The following HMGB1 variants were observed in gnomAD, a reference collection of about 807,000 sequenced individuals.
HMGB1 encodes the protein high mobility group box 1, also known as high mobility group protein B1.
For synonymous variants in HMGB1, 81 were observed against 84.0 expected (o/e 0.96, Z 0.19); for missense variants, 79 against 253.5 (o/e 0.31, Z 4.67).
chr13:30,591,835 T>C (rs576381183), intron 1 of HMGB1, among the ~76,000 whole-genome samples: 1 of 152,322 alleles, frequency 6.6e-6, no homozygotes, highest in South Asian at 2.1e-4. Context: ...ATTAACAATA[T>C]AGACAAGAAA....
chr13:30,487,568 CAGTAT>C (rs1315329318), intron 1 of HMGB1, among the ~76,000 whole-genome samples: 11 of 152,320 alleles, frequency 7.2e-5, no homozygotes, highest in African/African-American at 2.6e-4. Context: ...CCAAGACATA[CAGTAT>C]GTCTTTTCCT....
chr13:30,523,755 G>C lies in HMGB1; in HGVS notation c.-14-60061C>G, dbSNP rs74497426. Among the ~76,000 whole-genome samples, 119 of 147,028 alleles carry C rather than the reference G, an allele frequency of 8.1e-4. 1 individual carries two copies. The highest frequency in any genetic ancestry group is 8.0e-4 in the Non-Finnish European group (53 of 66,518). On this transcript the variant is annotated intron_variant, in intron 1 of 4. Coordinates refer to the HMGB1 transcript ENST00000405805. ...TTTGTTGGGCCCTTTTTTTTTGTTT[G>C]TTTGAGATGGGGCCTCACTCTATTG...
chr13:30,488,308 T>C (rs1344677489), intron 1 of HMGB1, among the ~76,000 whole-genome samples: 2 of 152,130 alleles, frequency 1.3e-5, no homozygotes, highest in African/African-American at 4.8e-5. Flanking sequence ...AAAAACAAAC[T>C]CTTACCAGCA....
intron 1 of HMGB1, among the ~76,000 whole-genome samples, chr13:30,606,989 A>G (rs757087809): frequency 2.0e-5 from 3 of 152,040 alleles, no homozygotes; most frequent in Non-Finnish European, 4.4e-5. Context: ...AATAAATTAT[A>G]ATCATTTTAT....
Position 30,599,252 on chromosome 13 carries a change from T to C in HMGB1, c.-15+17419A>G, listed in dbSNP as rs9551947. Among the ~76,000 whole-genome samples, 78 of 152,294 alleles carry C rather than the reference T, an allele frequency of 5.1e-4. 1 individual carries two copies. In the East Asian group the frequency reaches 0.013, roughly 26 times the overall value. On this transcript the variant is annotated intron_variant, in intron 1 of 4. Coordinates refer to the HMGB1 transcript ENST00000405805. ...ATGAGGCCAAGGTGGGCGGATCACC[T>C]GAGGTCAGGAGTTTGAGACCAGTCT...
At chr13:30,466,124 G>C (rs1274431008), upstream of HMGB1, among the ~76,000 whole-genome samples, 1 of 152,196 alleles carries the variant, frequency 6.6e-6, no homozygotes, top group East Asian at 1.9e-4. Flanking sequence ...GCTGAGGCGG[G>C]AGAGGCAGAG....
At chr13:30,566,411 C>A (rs947401494) in intron 1 of HMGB1, among the ~76,000 whole-genome samples, 1 of 152,180 alleles carries the variant, frequency 6.6e-6, no homozygotes, top group African/African-American at 2.4e-5. Flanking sequence ...CACTGTAGGG[C>A]AAAAGCAACC....
At position 30,530,216 on chromosome 13, in the gene HMGB1, G is replaced by A. The variant is rs142272075; in HGVS notation, c.-14-66522C>T. On this transcript the variant is annotated intron_variant, in intron 1 of 4. Transcript: ENST00000405805. ...ATGGGTCACAAAAATTACTAAGAATGTTGCATAAAATTACCTTCAGGCTAC... is the reference window on the plus strand; with the variant it reads ...ATGGGTCACAAAAATTACTAAGAATATTGCATAAAATTACCTTCAGGCTAC... 7.3e-3 allele frequency among the ~76,000 whole-genome samples: 1,111 copies of A among 152,196 alleles called. 13 individuals carry two copies. The highest frequency in any genetic ancestry group is 0.021 in the African/African-American group (890 of 41,516).
intron 1 of HMGB1, among the ~76,000 whole-genome samples, chr13:30,527,150 T>C (rs978227821): frequency 1.3e-5 from 2 of 152,188 alleles, no homozygotes; most frequent in African/African-American, 2.4e-5. Context: ...ACCTTCTCTC[T>C]CCAGGGAGGC....
intron 1 of HMGB1, among the ~76,000 whole-genome samples, chr13:30,563,835 A>G (rs941220490): frequency 3.3e-5 from 5 of 152,158 alleles, no homozygotes; most frequent in African/African-American, 1.2e-4. Flanking sequence ...GCTAATGAAG[A>G]TGTGGTTTAA....
At chr13:30,616,546 G>C (rs963259023) in intron 1 of HMGB1, 1 of 152,114 alleles carries the variant, frequency 6.6e-6, no homozygotes, top group African/African-American at 2.4e-5. Flanking sequence ...TATTTCAGGA[G>C]GAAGTACTAC....
At chr13:30,603,347 G>A (rs1349282131) in intron 1 of HMGB1, among the ~76,000 whole-genome samples, 1 of 152,120 alleles carries the variant, frequency 6.6e-6, no homozygotes, top group Non-Finnish European at 1.5e-5. Context: ...GAAGTATCAA[G>A]GAGGCAGTTC....
chr13:30,497,924 T>C (rs1325286409), intron 1 of HMGB1, among the ~76,000 whole-genome samples: 4 of 152,156 alleles, frequency 2.6e-5, no homozygotes, highest in African/African-American at 9.7e-5. Flanking sequence ...CATACGCATG[T>C]GTGTGTGTCT....
intron 1 of HMGB1, among the ~76,000 whole-genome samples, chr13:30,490,142 C>T (rs940441379): frequency 6.6e-6 from 1 of 151,566 alleles, no homozygotes; most frequent in African/African-American, 2.4e-5. Flanking sequence ...ATTCTTTGAC[C>T]TGTAAATTTT....
chr13:30,568,968 G>T (rs2137532182), intron 1 of HMGB1, among the ~76,000 whole-genome samples: 1 of 152,282 alleles, frequency 6.6e-6, no homozygotes, highest in Non-Finnish European at 1.5e-5. Context: ...CTTGAGGTCA[G>T]GAGTTTGAGA....
chr13:30,517,147 A>G (rs1888119628), intron 1 of HMGB1, among the ~76,000 whole-genome samples: 1 of 152,226 alleles, frequency 6.6e-6, no homozygotes, highest in Admixed American at 6.5e-5. Context: ...AGCAGGTTTT[A>G]GAACCTCCTG....
upstream of HMGB1, among the ~76,000 whole-genome samples, chr13:30,467,142 T>G (rs2388546): frequency 0.074 from 11,213 of 152,322 alleles, 1,353 homozygotes; most frequent in African/African-American, 0.25. Context: ...TACAGTTATA[T>G]CAGTCCTTTA....
chr13:30,522,109 C>T (rs79283095), intron 1 of HMGB1, among the ~76,000 whole-genome samples: 6 of 130,160 alleles, frequency 4.6e-5, no homozygotes, highest in Non-Finnish European at 3.2e-5. Context: ...AATTATGATA[C>T]TTTTTTTTTT....
chr13:30,525,588 TA>T (rs1888344012), intron 1 of HMGB1, among the ~76,000 whole-genome samples: 1 of 152,152 alleles, frequency 6.6e-6, no homozygotes, highest in Non-Finnish European at 1.5e-5. Context: ...TCAACATACT[TA>T]AAAGCTACTA....
Sources: allele counts gnomAD v4.1 joint callset (sites outside exome capture counted in the v4.1 genomes callset), GRCh38; gene constraint gnomAD v4.1.1; transcripts MANE v1.5; gene names NCBI Gene and HGNC (gene_info 2026-07-23, HGNC 2026-07-21).